MYO5A: variants seen among roughly 807,000 people sequenced by gnomAD.
The protein encoded by MYO5A is unconventional myosin-Va.
A neutral mutation model predicts 249.7 loss-of-function variants in MYO5A; 98 were observed. The ratio of observed to expected loss-of-function variants is 0.39; its 90% confidence interval spans 0.33 to 0.46. The LOEUF is 0.46. Ranked by LOEUF, MYO5A falls within the 20% of genes least tolerant of loss-of-function variation. The pLI is 0.98. For synonymous variants in MYO5A, 778 were observed against 810.6 expected, an observed-to-expected ratio of 0.96 and a Z score of 0.68; for missense variants, 1,696 against 2,308.8, an observed-to-expected ratio of 0.73 and a Z score of 5.44.
chr15:52,416,124 G>A (rs763173037), intron 5 of MYO5A, 21 bp downstream of exon 5: 6 of 1,613,438 alleles, frequency 3.7e-6, no homozygotes, highest in Non-Finnish European at 4.2e-6. Context: ...TAGGAAGAAA[G>A]CCGAAGACTC....
At chr15:52,363,471 C>T (rs2040642350) in intron 24 of MYO5A, among the ~76,000 whole-genome samples, 1 of 152,130 alleles carries the variant, frequency 6.6e-6, no homozygotes, top group East Asian at 1.9e-4. Context: ...TTTTTGGTCT[C>T]TTTTAGACAG....
At chr15:52,410,524 A>T in intron 5 of MYO5A, 48 bp from the exon 6 acceptor site, 1 of 1,541,870 alleles carries the variant, frequency 6.5e-7, no homozygotes, top group African/African-American at 1.4e-5. Context: ...AATTCATAAC[A>T]TGACATTTAC....
intron 20 of MYO5A, among the ~76,000 whole-genome samples, chr15:52,374,419 G>C (rs1175654766): frequency 1.3e-5 from 2 of 152,106 alleles, no homozygotes; most frequent in Non-Finnish European, 2.9e-5. Flanking sequence ...CTGAATAGGG[G>C]GCCCCAAGGA....
intron 1 of MYO5A, among the ~76,000 whole-genome samples, chr15:52,501,263 G>A (rs1356293700): frequency 1.3e-5 from 2 of 151,980 alleles, no homozygotes; most frequent in African/African-American, 4.8e-5. Context: ...GAGCCACCGC[G>A]CCCAGCCAGA....
chr15:52,450,843 G>GTTTTCTGT (rs2076001820), intron 1 of MYO5A, among the ~76,000 whole-genome samples: 1 of 84,590 alleles, frequency 1.2e-5, no homozygotes, highest in African/African-American at 5.0e-5. Flanking sequence ...CACTACTGTG[G>GTTTTCTGT]TTTTTTTTTT....
rs1206954211 is a variant in MYO5A at position 52,361,586 on chromosome 15, G to C, written c.3310-1505C>G. Among the ~76,000 whole-genome samples the C allele has an allele frequency of 2.0e-5, 3 of 152,110 alleles. No individual in the cohort carries two copies. In the East Asian group the frequency reaches 5.8e-4, roughly 29 times the overall value. ...GTATTTTCATCATCAGGAAAAAAAGGGTACTAATTTCTATCTCATAGGGTC... is the reference window on the plus strand; with the variant it reads ...GTATTTTCATCATCAGGAAAAAAAGCGTACTAATTTCTATCTCATAGGGTC... On this transcript the variant is annotated intron_variant, in intron 24 of 41. Transcript: ENST00000399233.
chr15:52,351,113 A>AT, intron 28 of MYO5A, 141 bp downstream of exon 28: 1 of 786,150 alleles, frequency 1.3e-6, no homozygotes, highest in South Asian at 1.5e-5. Context: ...CAACACTGGG[A>AT]TTTTTTTAAA....
At chr15:52,407,464 C>T (rs1329501303) in intron 7 of MYO5A, 65 bp from the exon 8 acceptor site, 4 of 1,128,604 alleles carry the variant, frequency 3.5e-6, no homozygotes, top group Admixed American at 3.5e-5. Context: ...ACCTTATGTC[C>T]ACTCTGAATC....
Position 52,310,840 on chromosome 15 carries a change from T to C in MYO5A, c.*2856A>G, listed in dbSNP as rs2037750676. ...ATCCCCATAGTCGGCAGAATCTTCT[T>C]GTACCTTCAAGAAAATGGTATACAG... On this transcript the variant is annotated 3_prime_UTR_variant, in exon 42 of 42. Coordinates refer to ENST00000399233, the MANE Select transcript of MYO5A (RefSeq NM_001382347.1). The C allele has an allele frequency of 1.3e-5, 2 of 152,198 alleles. No individual in the cohort carries two copies. The highest frequency in any genetic ancestry group is 2.4e-5 in the African/African-American group (1 of 41,428). 9.4% of individuals were successfully genotyped at this position (152,198 alleles called of 1,614,324 possible).
intron 1 of MYO5A, among the ~76,000 whole-genome samples, chr15:52,493,429 G>C (rs748783756): frequency 2.5e-4 from 38 of 152,092 alleles, no homozygotes; most frequent in Non-Finnish European, 4.4e-4. Flanking sequence ...TTGAGAGGTC[G>C]AGGCAGGCAG....
At chr15:52,343,320 A>G in intron 30 of MYO5A, 123 bp from the exon 31 acceptor site, 1 of 854,108 alleles carries the variant, frequency 1.2e-6, no homozygotes. Flanking sequence ...ATTCATTATG[A>G]CAACTTTAAG....
intron 1 of MYO5A, among the ~76,000 whole-genome samples, chr15:52,437,395 G>A (rs953225920): frequency 1.3e-5 from 2 of 152,074 alleles, no homozygotes; most frequent in African/African-American, 4.8e-5. Flanking sequence ...AGGAGTTAGA[G>A]ACCAGCCTGA....
chr15:52,315,670 G>A (rs1363514451), intron 40 of MYO5A, among the ~76,000 whole-genome samples: 2 of 151,238 alleles, frequency 1.3e-5, no homozygotes, highest in Admixed American at 1.3e-4. Context: ...CAGCACGCCT[G>A]GCCTACTGAT....
intron 20 of MYO5A, among the ~76,000 whole-genome samples, chr15:52,373,308 T>C (rs1416397710): frequency 6.6e-6 from 1 of 152,212 alleles, no homozygotes; most frequent in Non-Finnish European, 1.5e-5. Context: ...TCTTGAATTT[T>C]AAGAAGAGGT....
rs373707447 is a variant in MYO5A at position 52,353,866 on chromosome 15, C to A, written c.3567+5G>T. 9 of 1,613,452 alleles carry A rather than the reference C, an allele frequency of 5.6e-6. No individual in the cohort carries two copies. The highest frequency in any genetic ancestry group is 2.2e-5 in the South Asian group (2 of 91,080). On this transcript the variant is annotated splice_donor_5th_base_variant and intron_variant, in intron 26 of 41. Coordinates refer to ENST00000399233, the MANE Select transcript of MYO5A (RefSeq NM_001382347.1). ...TCAGCTCTGCGGATGGGCTGTGCTG[C>A]GCACCTTGGCCTTGCTGCGGAGCAC...
chr15:52,497,395 T>C (rs577394105), intron 1 of MYO5A, among the ~76,000 whole-genome samples: 17 of 150,398 alleles, frequency 1.1e-4, no homozygotes, highest in African/African-American at 3.6e-4. Flanking sequence ...TGAGAGCAGA[T>C]GTCCTGAAAT....
rs2039127336 is a variant in MYO5A, at chr15:52,336,560, A to C, written c.4315-4T>G. 1.3e-6 allele frequency: 2 copies of C among 1,585,092 alleles called. No individual in the cohort carries two copies. The highest frequency in any genetic ancestry group is 1.7e-6 in the Non-Finnish European group (2 of 1,159,872). The stretch of plus-strand genomic sequence containing the variant: ...TTTCAAGTTGTTCCATCAAATCCTA[A>C]AGATCAAAAAGAGAAATATATTAGA... On this transcript the variant is annotated splice_region_variant and splice_polypyrimidine_tract_variant and intron_variant, in intron 33 of 41. Coordinates refer to ENST00000399233, the MANE Select transcript of MYO5A (RefSeq NM_001382347.1).
Position 52,416,223 on chromosome 15 carries a change from T to A in MYO5A, c.534A>T (p.Arg178=). Residue 178 remains arginine (R), a synonymous_variant, in exon 5 of 42, where the codon CGA becomes CGT. Coordinates refer to ENST00000399233, the MANE Select transcript of MYO5A (RefSeq NM_001382347.1). ...GKTVSAKYAM[R]YFATVSGSAS... ...CAGAACCACTCACAGTTGCAAAGTA[T>A]CGCATGGCATACTTAGCTGAGACTG... The A allele has an allele frequency of 1.2e-6, 2 of 1,614,092 alleles. No homozygotes were observed. The highest frequency in any genetic ancestry group is 1.7e-6 in the Non-Finnish European group (2 of 1,179,970).
chr15:52,451,520 C>G (rs775492196), intron 1 of MYO5A, among the ~76,000 whole-genome samples: 2 of 152,166 alleles, frequency 1.3e-5, no homozygotes, highest in Non-Finnish European at 2.9e-5. Context: ...TTCACATAAC[C>G]CCTATGAGCC....
Sources: gnomAD v4.1 joint callset for allele counts (sites outside exome capture counted in the v4.1 genomes callset) on GRCh38, gnomAD v4.1.1 for gene constraint, MANE v1.5 for transcripts, NCBI Gene and HGNC (gene_info 2026-07-23, HGNC 2026-07-21) for gene names.